The following SIM2 variants were observed in gnomAD, a reference collection of about 807,000 sequenced individuals.
SIM2 encodes SIM bHLH transcription factor 2.
SIM2 carries 28 observed loss-of-function variants against 64.8 expected under a neutral mutation model. The ratio of observed to expected loss-of-function variants is 0.43; its 90% CI spans 0.32 to 0.59. The LOEUF (loss-of-function observed/expected upper bound fraction) is 0.59, where lower values mean the gene tolerates loss of function less well. Ranked by LOEUF, SIM2 falls within the 20% of genes least tolerant of loss-of-function variation. The pLI is 0.07. For synonymous variants in SIM2, 408 were observed against 391.1 expected (o/e 1.04, Z -0.51); for missense variants, 847 against 871.4 (o/e 0.97, Z 0.35).
chr21:36,706,174 G>C (rs766699077), intron 1 of SIM2, among the ~76,000 whole-genome samples: 1 of 152,226 alleles, frequency 6.6e-6, no homozygotes, highest in African/African-American at 2.4e-5. Flanking sequence ...TGTGAGGAAC[G>C]GCAGGCAGGG....
chr21:36,731,732 C>T (rs116249188), intron 7 of SIM2, among the ~76,000 whole-genome samples: 189 of 152,284 alleles, frequency 1.2e-3, no homozygotes, highest in African/African-American at 3.4e-3. Flanking sequence ...CACCATTCCA[C>T]GATGGGAGAG....
intron 5 of SIM2, among the ~76,000 whole-genome samples, 187 bp downstream of exon 5, chr21:36,723,317 C>A (rs748171795): frequency 1.1e-4 from 17 of 152,162 alleles, no homozygotes; most frequent in Non-Finnish European, 2.5e-4. Flanking sequence ...GGAGGATGTT[C>A]CAGCTGGCTG....
chr21:36,709,380 G>T, intron 2 of SIM2, 130 bp downstream of exon 2: 1 of 794,648 alleles, frequency 1.3e-6, no homozygotes, highest in Non-Finnish European at 2.1e-6. Context: ...GCTGGGGATG[G>T]GGTGGTCCCC....
At chr21:36,717,359 AT>A (rs2091374962) in intron 3 of SIM2, among the ~76,000 whole-genome samples, 1 of 152,164 alleles carries the variant, frequency 6.6e-6, no homozygotes, top group African/African-American at 2.4e-5. Context: ...ATAGGCCAAT[AT>A]AACATTTCTC....
At chr21:36,704,329 T>C (rs1310817531) in intron 1 of SIM2, among the ~76,000 whole-genome samples, 1 of 152,244 alleles carries the variant, frequency 6.6e-6, no homozygotes, top group Non-Finnish European at 1.5e-5. Flanking sequence ...GGCAATTCTC[T>C]ACCTCCGCTG....
At position 36,747,024 on chromosome 21, in the gene SIM2, T is replaced by G. The variant is rs2089236206; in HGVS notation, c.1577-641T>G. Among the ~76,000 whole-genome samples, 1 of 151,054 alleles carries G rather than the reference T, an allele frequency of 6.6e-6. No homozygotes were observed. On this transcript the variant is annotated intron_variant, in intron 10 of 10. Coordinates refer to ENST00000290399, the MANE Select transcript of SIM2 (RefSeq NM_005069.6). The surrounding 1 kb of genome is among the most constrained non-coding windows in gnomAD (Gnocchi z 4.5). ...AAGACAAATTTTGCCATATAGTGTT[T>G]AAAAACAAACAAACAAACAAAGACA...
intron 9 of SIM2, 21 bp from the exon 10 acceptor site, chr21:36,744,707 T>C: frequency 6.4e-7 from 1 of 1,565,122 alleles, no homozygotes. Flanking sequence ...TGGCCCTTCA[T>C]CCATCTTCTT....
In SIM2 at chr21:36,744,709, C is replaced by A. The variant is rs1400189975; in HGVS notation, c.1168-19C>A. ...GCCGGCCCCTCGCTGGCCCTTCATC[C>A]ATCTTCTTTGCCATGCAGCAATACA... On this transcript the variant is annotated intron_variant, in intron 9 of 10. Coordinates refer to ENST00000290399, the MANE Select transcript of SIM2 (RefSeq NM_005069.6). 1.3e-5 allele frequency: 20 copies of A among 1,568,142 alleles called. No individual in the cohort carries two copies. Among genetic ancestry groups the A allele is most frequent in the East Asian group, 2.3e-5 (1 of 42,868 alleles).
intron 1 of SIM2, among the ~76,000 whole-genome samples, chr21:36,706,867 A>C (rs2088591362): frequency 6.6e-6 from 1 of 152,240 alleles, no homozygotes; most frequent in Non-Finnish European, 1.5e-5. Flanking sequence ...GAAAAACTAT[A>C]ATGATCTAAA....
intron 1 of SIM2, among the ~76,000 whole-genome samples, chr21:36,704,365 C>A (rs2088549201): frequency 6.6e-6 from 1 of 152,236 alleles, no homozygotes; most frequent in African/African-American, 2.4e-5. Flanking sequence ...TATTAAAGGT[C>A]GACTGTTTAG....
At position 36,730,199 on chromosome 21, in the gene SIM2, C is replaced by T. The variant is rs78951603; in HGVS notation, c.744-846C>T. On this transcript the variant is annotated intron_variant, in intron 6 of 10. Transcript: ENST00000290399. Reference sequence around the variant, plus strand: ...CGTGCAACAGAGGTTTAAACACTCGCACCCGCAGTAGCCAAGATGTGCAAA... The same window carrying T: ...CGTGCAACAGAGGTTTAAACACTCGTACCCGCAGTAGCCAAGATGTGCAAA... Among the ~76,000 whole-genome samples, 823 of 152,328 alleles carry T rather than the reference C, an allele frequency of 5.4e-3. 5 individuals carry two copies. Among genetic ancestry groups the T allele is most frequent in the African/African-American group, 0.018 (757 of 41,566 alleles).
chr21:36,743,359 C>T (rs781395898), intron 8 of SIM2, 28 bp from the exon 9 acceptor site: 1 of 1,594,428 alleles, frequency 6.3e-7, no homozygotes, highest in African/African-American at 1.3e-5. Flanking sequence ...GCCTGCTGGA[C>T]ATGACTCGGC....
Position 36,745,721 on chromosome 21 carries a change from C to T in SIM2, c.1576+585C>T. ...GATGTGCCTACTCCCAAGGACACGACACACAGTAGGGACCTGCCCTGTACA... is the reference window on the plus strand; with the variant it reads ...GATGTGCCTACTCCCAAGGACACGATACACAGTAGGGACCTGCCCTGTACA... On this transcript the variant is annotated intron_variant, in intron 10 of 10. Transcript: ENST00000290399. This position sits in a 1 kb window ranked among gnomAD's most constrained non-coding sequence, Gnocchi z 4.8. 7.9e-7 allele frequency: 1 copy of T among 1,272,424 alleles called. No homozygotes were observed. Among genetic ancestry groups the T allele is most frequent in the Non-Finnish European group, 1.0e-6 (1 of 964,584 alleles). 78.8% of individuals were successfully genotyped at this position (1,272,424 alleles called of 1,614,324 possible). A position where few individuals can be genotyped will look rare whatever the true frequency, so the allele number is the denominator to read the frequency against.
chr21:36,702,399 CCCT>C (rs1382404602), intron 1 of SIM2, among the ~76,000 whole-genome samples: 1 of 152,230 alleles, frequency 6.6e-6, no homozygotes, highest in Non-Finnish European at 1.5e-5. Context: ...CTTAGTCCCT[CCCT>C]CCTCCATTCG....
chr21:36,713,700 A>T (rs2088707173), intron 3 of SIM2, among the ~76,000 whole-genome samples: 2 of 152,226 alleles, frequency 1.3e-5, no homozygotes, highest in Admixed American at 6.5e-5. Flanking sequence ...CACATTTGGC[A>T]AACTGCATCT....
At chr21:36,736,154 C>A (rs538470468) in intron 7 of SIM2, among the ~76,000 whole-genome samples, 34 of 152,188 alleles carry the variant, frequency 2.2e-4, no homozygotes, top group Admixed American at 6.5e-4. Flanking sequence ...GTGACAGCAA[C>A]CCCCGCCCGG....
chr21:36,741,436 AT>A (rs1306291042), intron 7 of SIM2, among the ~76,000 whole-genome samples: 4 of 152,254 alleles, frequency 2.6e-5, no homozygotes, highest in Non-Finnish European at 5.9e-5. Flanking sequence ...TTGGTGGCTA[AT>A]GTTTCCCTCA....
intron 7 of SIM2, among the ~76,000 whole-genome samples, chr21:36,737,414 T>C (rs1446247659): frequency 6.6e-6 from 1 of 152,166 alleles, no homozygotes; most frequent in African/African-American, 2.4e-5. Flanking sequence ...AGACTTTTTC[T>C]TGTATGTAGG....
chr21:36,736,158 C>T (rs556915309), intron 7 of SIM2, among the ~76,000 whole-genome samples: 4 of 152,286 alleles, frequency 2.6e-5, no homozygotes, highest in South Asian at 4.2e-4. Context: ...CAGCAACCCC[C>T]GCCCGGGCCC....
Sources: gnomAD v4.1 joint callset for allele counts (sites outside exome capture counted in the v4.1 genomes callset) on GRCh38, gnomAD v4.1.1 for gene constraint, Gnocchi (gnomAD v3.1) non-coding constraint, MANE v1.5 for transcripts, NCBI Gene and HGNC (gene_info 2026-07-23, HGNC 2026-07-21) for gene names.